CDH7: variants seen among roughly 807,000 people sequenced by gnomAD.
The protein encoded by CDH7 is cadherin-7.
Under a neutral mutation model 71.8 loss-of-function variants are expected in CDH7, and 25 were observed. The ratio of observed to expected loss-of-function variants is 0.35; its 90% CI spans 0.25 to 0.49. CDH7 has a LOEUF of 0.49. CDH7 is among the 20% of genes least tolerant of loss of function. The pLI is 0.99. For synonymous variants in CDH7, 381 were observed against 363.8 expected (o/e 1.05, Z -0.54); for missense variants, 862 against 974.6 (o/e 0.88, Z 1.54).
Position 65,820,529 on chromosome 18 carries a change from C to T in CDH7, c.626-1552C>T, listed in dbSNP as rs571518582. On this transcript the variant is annotated intron_variant, in intron 4 of 11. Transcript: ENST00000397968. ...TTTTTACTTAAAAGTGAGCAAATGC[C>T]ATACAAGTAGAAATCTATTATTAGT... 7.2e-5 allele frequency among the ~76,000 whole-genome samples: 11 copies of T among 152,182 alleles called. No individual in the cohort carries two copies. The South Asian group carries it at 2.3e-3, about 32-fold the overall frequency.
intron 2 of CDH7, among the ~76,000 whole-genome samples, chr18:65,782,051 TTC>T (rs1183872797): frequency 8.0e-5 from 5 of 62,146 alleles, no homozygotes; most frequent in Admixed American, 2.8e-4. Flanking sequence ...CCTTCCTTCC[TTC>T]CTTCCTTCCT....
chr18:65,761,377 G>C (rs575885501), intron 1 of CDH7, among the ~76,000 whole-genome samples: 128 of 151,606 alleles, frequency 8.4e-4, no homozygotes, highest in Admixed American at 1.8e-3. Context: ...TAAGAAATTT[G>C]ACTATCAAAA....
chr18:65,854,948 TACACAC>T (rs1234726005), intron 7 of CDH7, among the ~76,000 whole-genome samples: 1 of 150,284 alleles, frequency 6.7e-6, no homozygotes, highest in African/African-American at 2.5e-5. Flanking sequence ...CACATATATA[TACACAC>T]ACACACACAC....
chr18:65,857,258 G>A (rs1485749401), intron 7 of CDH7, among the ~76,000 whole-genome samples: 1 of 150,058 alleles, frequency 6.7e-6, no homozygotes, highest in Non-Finnish European at 1.5e-5. Context: ...TGAGATGGAA[G>A]GGTCACTTGA....
chr18:65,880,895 C>A lies in CDH7; in HGVS notation c.*1C>A, dbSNP rs1244939602. 1 of 1,572,724 alleles carries A rather than the reference C, an allele frequency of 6.4e-7. No individual in the cohort carries two copies. Among genetic ancestry groups the A allele is most frequent in the Non-Finnish European group, 8.6e-7 (1 of 1,162,554 alleles). On this transcript the variant is annotated 3_prime_UTR_variant, in exon 12 of 12. Transcript: ENST00000397968. ...TGGCCAAGAGAGTTTGTACTCATAG[C>A]CTTGGAACCTTAATTCGAAATGTAC...
intron 2 of CDH7, among the ~76,000 whole-genome samples, chr18:65,789,255 G>A (rs1007943345): frequency 6.6e-6 from 1 of 152,146 alleles, no homozygotes; most frequent in African/African-American, 2.4e-5. Context: ...GAGCCTTGAA[G>A]GATGAGAAAG....
In CDH7 at chr18:65,843,840, A is replaced by G. The variant is rs1912825034; in HGVS notation, c.1010A>G (p.Tyr337Cys). ...KELDFEAKTS[Y>C]TLRIEAANKD... ...CTGGATTTTGAAGCCAAAACAAGTT[A>G]CACGCTACGGATAGAAGCTGCAAAT... The change falls in exon 7 of 12, where the codon TAC becomes TGC. Residue 337 changes from tyrosine (Y) to cysteine (C), a missense_variant. Coordinates refer to ENST00000397968, the MANE Select transcript of CDH7 (RefSeq NM_004361.5). The G allele has an allele frequency of 6.5e-7, 1 of 1,549,858 alleles. No individual in the cohort carries two copies. The highest frequency in any genetic ancestry group is 8.7e-7 in the Non-Finnish European group (1 of 1,146,446).
intron 2 of CDH7, among the ~76,000 whole-genome samples, chr18:65,789,955 C>T (rs1033387500): frequency 2.6e-4 from 39 of 150,618 alleles, no homozygotes; most frequent in African/African-American, 9.3e-4. Context: ...GGAGGCTGGG[C>T]GCGGTGGCTC....
Position 65,843,984 on chromosome 18 carries a change from A to C in CDH7, c.1154A>C (p.Glu385Ala), listed in dbSNP as rs543663981. 20 of 1,612,824 alleles carry C rather than the reference A, an allele frequency of 1.2e-5. 1 individual carries two copies. In the South Asian group the frequency reaches 2.1e-4, roughly 17 times the overall value. ...PVFSSPLYPM[E>A]VSEATQVGNI... ...TTCTCTTCACCCTTGTACCCTATGG[A>C]GGTGTCGGAAGCTACCCAGGTTGGG... Residue 385 changes from glutamate to alanine, a missense_variant, in exon 7 of 12, where the codon GAG (glutamate) becomes GCG (alanine). Physicochemically the swap from Glu to Ala is moderately radical, Grantham distance 107. Coordinates refer to ENST00000397968, the MANE Select transcript of CDH7 (RefSeq NM_004361.5).
intron 7 of CDH7, among the ~76,000 whole-genome samples, chr18:65,848,714 C>A (rs921117928): frequency 1.3e-5 from 2 of 152,016 alleles, no homozygotes; most frequent in Admixed American, 6.6e-5. Flanking sequence ...GATATTATTA[C>A]AAATAAGATC....
At chr18:65,862,094 T>C (rs868218014) in intron 10 of CDH7, among the ~76,000 whole-genome samples, 12 of 152,126 alleles carry the variant, frequency 7.9e-5, no homozygotes, top group Admixed American at 3.9e-4. Context: ...ACTGACAAAA[T>C]GTTTATACAC....
At chr18:65,806,529 TTTTG>T (rs1911331562) in intron 2 of CDH7, among the ~76,000 whole-genome samples, 1 of 152,174 alleles carries the variant, frequency 6.6e-6, no homozygotes, top group Non-Finnish European at 1.5e-5. Flanking sequence ...GTTGCGTTTA[TTTTG>T]TTTATGTACT....
At chr18:65,819,625 C>G (rs991168095) in intron 4 of CDH7, among the ~76,000 whole-genome samples, 1 of 152,050 alleles carries the variant, frequency 6.6e-6, no homozygotes, top group Admixed American at 6.6e-5. Context: ...GAGTGAGGAT[C>G]GTGAAGGGCT....
intron 2 of CDH7, among the ~76,000 whole-genome samples, chr18:65,780,717 G>A (rs1173483075): frequency 2.0e-5 from 3 of 151,268 alleles, no homozygotes; most frequent in East Asian, 1.9e-4. Flanking sequence ...GCCTTGTAGT[G>A]TAGTTTGAAG....
In CDH7 at chr18:65,866,331, CAA is replaced by C. The variant is rs1291511991; in HGVS notation, c.1864+3430_1864+3431del. 10 of 2,604 alleles carry C rather than the reference CAA, an allele frequency of 3.8e-3. 2 individuals carry two copies. The highest frequency in any genetic ancestry group is 5.4e-3 in the African/African-American group (6 of 1,116). 0.2% of individuals were successfully genotyped at this position (2,604 alleles called of 1,614,324 possible). On this transcript the variant is annotated intron_variant, in intron 11 of 11. Coordinates refer to ENST00000397968, the MANE Select transcript of CDH7 (RefSeq NM_004361.5). ...AAAAAAAAACAAAAAAAAAAAAAAACAAAAAAAAAAAAAAAAAGAATGAAACT... is the reference window on the plus strand; with the variant it reads ...AAAAAAAAACAAAAAAAAAAAAAAACAAAAAAAAAAAAAAAGAATGAAACT...
intron 10 of CDH7, among the ~76,000 whole-genome samples, chr18:65,861,074 A>G (rs1033076855): frequency 1.3e-5 from 2 of 152,284 alleles, no homozygotes; most frequent in Admixed American, 6.5e-5. Flanking sequence ...CCCATGTGTC[A>G]CCATCCAATA....
intron 11 of CDH7, among the ~76,000 whole-genome samples, chr18:65,877,311 T>C (rs1914100496): frequency 6.6e-6 from 1 of 152,124 alleles, no homozygotes; most frequent in Non-Finnish European, 1.5e-5. Context: ...AGAGTTTTAC[T>C]TTGATTGAAG....
chr18:65,833,133 A>G (rs1912411452), intron 6 of CDH7, among the ~76,000 whole-genome samples: 1 of 152,174 alleles, frequency 6.6e-6, no homozygotes, highest in African/African-American at 2.4e-5. Flanking sequence ...ATAATACAGC[A>G]TTATGTGGAG....
intron 2 of CDH7, among the ~76,000 whole-genome samples, chr18:65,778,419 T>C (rs547588896): frequency 6.6e-6 from 1 of 151,672 alleles, no homozygotes; most frequent in Admixed American, 6.6e-5. Flanking sequence ...ACTGGTTTCT[T>C]TTTATTCCCA....
Sources: allele counts gnomAD v4.1 joint callset (sites outside exome capture counted in the v4.1 genomes callset), GRCh38; gene constraint gnomAD v4.1.1; transcripts MANE v1.5; gene names NCBI Gene and HGNC (gene_info 2026-07-23, HGNC 2026-07-21).